TBC1D14: variants seen among roughly 807,000 people sequenced by gnomAD.
TBC1D14 encodes TBC1 domain family, member 14.
TBC1D14 carries 26 observed loss-of-function variants against 79.0 expected under a neutral mutation model. The ratio of observed to expected loss-of-function variants is 0.33; its 90% CI spans 0.24 to 0.46. TBC1D14 has a LOEUF of 0.46. Among genes scored for constraint, TBC1D14 ranks in the 20% least tolerant of loss-of-function variants. TBC1D14 has a pLI of 1.00. For synonymous variants in TBC1D14, 394 were observed against 349.9 expected (o/e 1.13, Z -1.40); for missense variants, 769 against 887.6 (o/e 0.87, Z 1.70).
chr4:6,974,138 G>A (rs1178837822), intron 3 of TBC1D14, among the ~76,000 whole-genome samples: 2 of 152,102 alleles, frequency 1.3e-5, no homozygotes, highest in Non-Finnish European at 2.9e-5. Flanking sequence ...GAGCCGCTGC[G>A]CCCAGGCCTA....
chr4:6,958,197 T>C (rs997257167), intron 2 of TBC1D14, among the ~76,000 whole-genome samples: 2 of 152,096 alleles, frequency 1.3e-5, no homozygotes, highest in African/African-American at 4.8e-5. Flanking sequence ...AGATGACTGC[T>C]CCAGGTGGCC....
intron 12 of TBC1D14, among the ~76,000 whole-genome samples, chr4:7,020,767 C>G (rs1027068763): frequency 2.0e-5 from 3 of 152,138 alleles, no homozygotes; most frequent in African/African-American, 7.2e-5. Flanking sequence ...GTGGTGCGAT[C>G]TTGGCTCGCT....
intron 6 of TBC1D14, 138 bp from the exon 7 acceptor site, chr4:7,001,007 C>G (rs1334415204): frequency 8.8e-6 from 6 of 677,994 alleles, no homozygotes; most frequent in East Asian, 5.5e-5. Context: ...GAGCCCTGGA[C>G]TCTAAGCTTC....
chr4:7,011,377 C>G (rs1442761237), intron 11 of TBC1D14, among the ~76,000 whole-genome samples: 1 of 152,068 alleles, frequency 6.6e-6, no homozygotes, highest in Non-Finnish European at 1.5e-5. Flanking sequence ...CAGATAAGCC[C>G]TCTGCGCAGT....
chr4:6,962,555 T>G (rs1003188007), intron 2 of TBC1D14, among the ~76,000 whole-genome samples: 1 of 152,064 alleles, frequency 6.6e-6, no homozygotes, highest in African/African-American at 2.4e-5. Context: ...AGGAGTTTCT[T>G]CTTCCCACTG....
intron 3 of TBC1D14, among the ~76,000 whole-genome samples, chr4:6,988,217 G>T (rs1718083367): frequency 6.6e-6 from 1 of 152,238 alleles, no homozygotes; most frequent in South Asian, 2.1e-4. Context: ...ACCAGCCGCG[G>T]TGTTGCGGAC....
intron 13 of TBC1D14, 51 bp from the exon 14 acceptor site, chr4:7,030,276 G>T (rs775458933): frequency 6.3e-7 from 1 of 1,583,364 alleles, no homozygotes; most frequent in Non-Finnish European, 8.7e-7. Context: ...CTGCTGTCAG[G>T]ATCTGTGTGC....
chr4:7,005,510 G>A (rs1720096548), intron 8 of TBC1D14, among the ~76,000 whole-genome samples: 1 of 151,948 alleles, frequency 6.6e-6, no homozygotes, highest in Non-Finnish European at 1.5e-5. Flanking sequence ...ATTCCAGCCT[G>A]GGTAACAGAG....
At chr4:6,983,564 T>C (rs887752069) in intron 3 of TBC1D14, among the ~76,000 whole-genome samples, 1 of 152,200 alleles carries the variant, frequency 6.6e-6, no homozygotes. Context: ...TGGGATCGTT[T>C]GGTGGAGAAC....
At chr4:6,967,943 C>T (rs1715850150) in intron 3 of TBC1D14, among the ~76,000 whole-genome samples, 1 of 152,176 alleles carries the variant, frequency 6.6e-6, no homozygotes, top group Admixed American at 6.5e-5. Flanking sequence ...CATGTCCTCA[C>T]CACTGGGCTG....
intron 2 of TBC1D14, among the ~76,000 whole-genome samples, chr4:6,945,749 C>CAAAAAAAA (rs71173472): frequency 6.9e-4 from 44 of 64,132 alleles, no homozygotes; most frequent in South Asian, 1.8e-3. Flanking sequence ...AACTGCGTCT[C>CAAAAAAAA]AAAAAAAAAA....
intron 2 of TBC1D14, among the ~76,000 whole-genome samples, chr4:6,950,558 T>C (rs1006693917): frequency 1.4e-5 from 2 of 145,540 alleles, no homozygotes; most frequent in Admixed American, 7.1e-5. Flanking sequence ...TTTTATCAGA[T>C]ACCTTACTCT....
intron 3 of TBC1D14, among the ~76,000 whole-genome samples, chr4:6,990,536 A>AT: frequency 6.6e-6 from 1 of 152,124 alleles, no homozygotes; most frequent in Non-Finnish European, 1.5e-5. Flanking sequence ...GTCTGCAGGG[A>AT]TTTTGACGAG....
rs760466866 is a variant in TBC1D14 at position 6,923,823 on chromosome 4, C to T, written c.434C>T (p.Ser145Phe). The part of the protein sequence containing the change: ...YDSVKLYSPT[S>F]KALTRSDDVS... ...TCGGTAAAGCTCTATAGCCCGACCT[C>T]CAAAGCCCTGACCCGCAGCGATGAT... Residue 145 changes from serine (S) to phenylalanine (F), a missense_variant, in exon 2 of 14, where the codon TCC becomes TTC. Ser to Phe is a radical substitution (Grantham distance 155). Transcript: ENST00000409757. 6.2e-7 allele frequency: 1 copy of T among 1,614,204 alleles called. No homozygotes were observed.
intron 1 of TBC1D14, among the ~76,000 whole-genome samples, chr4:6,922,232 C>T (rs1299288405): frequency 6.6e-6 from 1 of 151,976 alleles, no homozygotes; most frequent in Non-Finnish European, 1.5e-5. Flanking sequence ...TTTTTTTAGT[C>T]TTCTGTAGAG....
intron 5 of TBC1D14, chr4:6,998,700 A>G (rs945086896): frequency 2.6e-5 from 5 of 190,368 alleles, no homozygotes; most frequent in Middle Eastern, 2.1e-3. Flanking sequence ...CATCATGCCC[A>G]GCTAATTTTT....
chr4:7,008,028 T>G (rs935711451), intron 9 of TBC1D14, among the ~76,000 whole-genome samples: 1 of 152,258 alleles, frequency 6.6e-6, no homozygotes, highest in African/African-American at 2.4e-5. Context: ...CAAATCCATC[T>G]TTTTGAGCCT....
At chr4:6,992,852 G>A (rs927364315) in intron 3 of TBC1D14, among the ~76,000 whole-genome samples, 2 of 152,216 alleles carry the variant, frequency 1.3e-5, no homozygotes, top group Non-Finnish European at 2.9e-5. Context: ...TTTTTGGTAA[G>A]TGGAAGTAAT....
intron 3 of TBC1D14, among the ~76,000 whole-genome samples, chr4:6,990,391 G>T (rs1359063477): frequency 6.6e-6 from 1 of 152,250 alleles, no homozygotes; most frequent in Non-Finnish European, 1.5e-5. Context: ...AGAGGTTGCA[G>T]TGAGCCAAGG....
Sources: allele counts gnomAD v4.1 joint callset (sites outside exome capture counted in the v4.1 genomes callset), GRCh38; gene constraint gnomAD v4.1.1; transcripts MANE v1.5; gene names NCBI Gene and HGNC (gene_info 2026-07-23, HGNC 2026-07-21).